Variants in GLP2R observed in about 807,000 individuals in gnomAD.
The protein encoded by GLP2R is glucagon like peptide 2 receptor.
In GLP2R, 59 loss-of-function variants were observed where a neutral mutation model predicts 68.2. The ratio of observed to expected loss-of-function variants is 0.87; its 90% confidence interval spans 0.70 to 1.07. The LOEUF (loss-of-function observed/expected upper bound fraction) is 1.07, where lower values mean the gene tolerates loss of function less well. GLP2R is among the 50% of genes least tolerant of loss of function. The pLI, the probability that GLP2R is intolerant of heterozygous loss-of-function variation, is 0.00. For synonymous variants in GLP2R, 270 were observed against 265.4 expected, an observed-to-expected ratio of 1.02 and a Z score of -0.17; for missense variants, 548 against 677.4, an observed-to-expected ratio of 0.81 and a Z score of 2.12.
At chr17:9,876,722 A>C (rs1224182178) in intron 10 of GLP2R, among the ~76,000 whole-genome samples, 1 of 152,232 alleles carries the variant, frequency 6.6e-6, no homozygotes, top group Non-Finnish European at 1.5e-5. Context: ...TAAAATACTC[A>C]GTATGTCAAG....
chr17:9,857,381 A>G (rs1196152951), intron 5 of GLP2R, 42 bp from the exon 6 acceptor site: 4 of 1,604,266 alleles, frequency 2.5e-6, no homozygotes, highest in African/African-American at 1.3e-5. Flanking sequence ...GGTTGGAGCC[A>G]TTCTTTCCTG....
intron 1 of GLP2R, among the ~76,000 whole-genome samples, chr17:9,827,466 A>ATTTAAGGGC (rs1236061505): frequency 6.6e-6 from 1 of 152,160 alleles, no homozygotes; most frequent in Non-Finnish European, 1.5e-5. Context: ...ATGGTATAAT[A>ATTTAAGGGC]TTTAAGGGCT....
At chr17:9,840,353 C>G (rs891704322) in intron 3 of GLP2R, among the ~76,000 whole-genome samples, 5 of 152,210 alleles carry the variant, frequency 3.3e-5, no homozygotes, top group African/African-American at 4.8e-5. Context: ...TTTGCACTCC[C>G]CCAGCCAGAG....
At chr17:9,830,648 G>T (rs1429831707) in intron 1 of GLP2R, among the ~76,000 whole-genome samples, 2 of 152,186 alleles carry the variant, frequency 1.3e-5, no homozygotes, top group Non-Finnish European at 1.5e-5. Context: ...ACTCACAGGG[G>T]TGCTATGAGA....
chr17:9,846,898 T>C (rs74394146), intron 4 of GLP2R, among the ~76,000 whole-genome samples: 3 of 152,328 alleles, frequency 2.0e-5, no homozygotes, highest in African/African-American at 7.2e-5. Context: ...TCAGGAGACA[T>C]GGTTGCCTGT....
Position 9,889,426 on chromosome 17 carries a change from C to T in GLP2R, c.1383C>T (p.Gly461=). 6.2e-7 allele frequency: 1 copy of T among 1,614,148 alleles called. No homozygotes were observed. The highest frequency in any genetic ancestry group is 8.5e-7 in the Non-Finnish European group (1 of 1,179,956). ...GCTTCTTGCTAGCCCGCCACTCAGG[C>T]TGCAGAGCCTGTGTCCTGGGGAAGG... ...WVRFLLARHS[G]CRACVLGKDF... Residue 461 remains glycine (G), a synonymous_variant, in exon 13 of 13, where the codon GGC becomes GGT. Coordinates refer to ENST00000262441, the MANE Select transcript of GLP2R (RefSeq NM_004246.3).
At chr17:9,860,990 C>T in intron 7 of GLP2R, 149 bp from the exon 8 acceptor site, 1 of 641,838 alleles carries the variant, frequency 1.6e-6, no homozygotes, top group Non-Finnish European at 2.9e-6. Context: ...ATGTGCCACC[C>T]TGGGTCTCTC....
At chr17:9,845,748 C>T (rs62066032) in intron 4 of GLP2R, among the ~76,000 whole-genome samples, 46 of 148,352 alleles carry the variant, frequency 3.1e-4, no homozygotes, top group South Asian at 4.3e-4. Context: ...TGTGTGTGTG[C>T]GTGTGTGTGT....
At chr17:9,852,434 G>T (rs2066899952) in intron 4 of GLP2R, among the ~76,000 whole-genome samples, 2 of 152,086 alleles carry the variant, frequency 1.3e-5, no homozygotes, top group African/African-American at 4.8e-5. Context: ...GTATTCCATG[G>T]TGTATATGTG....
chr17:9,862,203 C>A, intron 9 of GLP2R, 113 bp downstream of exon 9: 1 of 753,326 alleles, frequency 1.3e-6, no homozygotes, highest in Middle Eastern at 2.7e-4. Context: ...GAGAGAGAAG[C>A]TGAACTATGA....
intron 6 of GLP2R, among the ~76,000 whole-genome samples, chr17:9,859,636 A>AAAAAT (rs1555571772): frequency 4.2e-4 from 60 of 143,098 alleles, no homozygotes; most frequent in East Asian, 2.2e-3. Flanking sequence ...ACTAAAAAAA[A>AAAAAT]ATATATATAT....
chr17:9,879,518 G>A (rs1212593698), intron 10 of GLP2R, among the ~76,000 whole-genome samples: 1 of 151,644 alleles, frequency 6.6e-6, no homozygotes, highest in African/African-American at 2.4e-5. Flanking sequence ...TAACTTCCTG[G>A]GACCCAACCT....
intron 9 of GLP2R, among the ~76,000 whole-genome samples, chr17:9,864,267 G>C (rs1037262483): frequency 1.3e-5 from 2 of 152,128 alleles, no homozygotes; most frequent in African/African-American, 2.4e-5. Context: ...TATAAATTCA[G>C]GTTCTCCAGC....
chr17:9,841,955 A>G (rs1734602959), intron 3 of GLP2R, among the ~76,000 whole-genome samples: 1 of 152,166 alleles, frequency 6.6e-6, no homozygotes. Context: ...TTTCACATAC[A>G]CTTTCATTTA....
In GLP2R at chr17:9,861,199, G is replaced by A; in HGVS notation, c.986G>A (p.Gly329Glu). Residue 329 changes from glycine (G) to glutamate (E), a missense_variant and splice_region_variant, in exon 8 of 13, where the codon GGG (glycine) becomes GAG (glutamate). Transcript: ENST00000262441. ...GFARAHLENT[G>E]CWTTNGNKKI... is the part of the protein sequence containing the mutation. Reference sequence around the variant, plus strand: ...GCCCGTGCACACCTGGAGAACACAGGGTAGGTAATTCACCAGGTGTTATTC... The same window carrying A: ...GCCCGTGCACACCTGGAGAACACAGAGTAGGTAATTCACCAGGTGTTATTC... 6.2e-7 allele frequency: 1 copy of A among 1,603,466 alleles called. No individual in the cohort carries two copies. The highest frequency in any genetic ancestry group is 1.1e-5 in the South Asian group (1 of 90,542).
intron 10 of GLP2R, among the ~76,000 whole-genome samples, chr17:9,879,480 G>A (rs1343846100): frequency 6.6e-6 from 1 of 152,034 alleles, no homozygotes; most frequent in Non-Finnish European, 1.5e-5. Flanking sequence ...ATGGGTGACA[G>A]AGGGAGATCC....
rs71139004 is a variant in GLP2R at position 9,844,668 on chromosome 17, C to CTTTTTTTTTTTTTTTTTTTTTTTT, written c.504+2067_504+2090dup. Among the ~76,000 whole-genome samples the CTTTTTTTTTTTTTTTTTTTTTTTT allele has an allele frequency of 4.5e-5, 2 of 44,276 alleles. 1 individual carries two copies. The highest frequency in any genetic ancestry group is 9.3e-5 in the Non-Finnish European group (2 of 21,402). 29.0% of individuals were successfully genotyped at this position (44,276 alleles called of 152,430 possible). On this transcript the variant is annotated intron_variant, in intron 4 of 12. Transcript: ENST00000262441. ...ATTCTCAATATTTTACTACCTAATTCTTTTTTTTTTTTTTTTTTTTTTTTT... is the reference window on the plus strand; with the variant it reads ...ATTCTCAATATTTTACTACCTAATTCTTTTTTTTTTTTTTTTTTTTTTTTTTTTTTTTTTTTTTTTTTTTTTTTT...
chr17:9,891,171 GTCT>G lies in GLP2R; in HGVS notation c.*1471_*1473del, dbSNP rs2067287758. The G allele has an allele frequency of 6.6e-6, 1 of 152,038 alleles. No homozygotes were observed. 9.4% of individuals were successfully genotyped at this position (152,038 alleles called of 1,614,324 possible). A position where few individuals can be genotyped will look rare whatever the true frequency, so the allele number is the denominator to read the frequency against. Reference sequence around the variant, plus strand: ...ATTAAATTTGAATTTCAGACAAATAGTCTTCTTGTATAAGTATATCCCATGGGC... The same window carrying G: ...ATTAAATTTGAATTTCAGACAAATAGTCTTGTATAAGTATATCCCATGGGC... On this transcript the variant is annotated 3_prime_UTR_variant, in exon 13 of 13. Coordinates refer to ENST00000262441, the MANE Select transcript of GLP2R (RefSeq NM_004246.3).
chr17:9,850,239 G>GAAAGTAGCC (rs528366126), intron 4 of GLP2R, among the ~76,000 whole-genome samples: 137 of 152,300 alleles, frequency 9.0e-4, no homozygotes, highest in Non-Finnish European at 1.7e-3. Flanking sequence ...GAGCCTCTAG[G>GAAAGTAGCC]AAAGTAGCCA....
Sources: gnomAD v4.1 joint callset for allele counts (sites outside exome capture counted in the v4.1 genomes callset) on GRCh38, gnomAD v4.1.1 for gene constraint, MANE v1.5 for transcripts, NCBI Gene and HGNC (gene_info 2026-07-23, HGNC 2026-07-21) for gene names.